The following SLC2A14 variants were observed in gnomAD, a reference collection of about 807,000 sequenced individuals.
SLC2A14 encodes the protein solute carrier family 2, facilitated glucose transporter member 14.
In SLC2A14, 13 loss-of-function variants were observed where a neutral mutation model predicts 43.0. The observed-to-expected ratio is 0.30, with a 90% confidence interval of 0.20 to 0.48. The LOEUF is 0.48. SLC2A14 is among the 20% of genes least tolerant of loss of function. The pLI, the probability that SLC2A14 is intolerant of heterozygous loss-of-function variation, is 0.99. For missense variants in SLC2A14, 428 were observed against 620.4 expected (o/e 0.69, Z 3.29); for synonymous variants, 190 against 233.8 (o/e 0.81, Z 1.71).
chr12:7,890,995 C>A lies in SLC2A14; in HGVS notation c.132+1G>T, dbSNP rs1381199343. 5.2e-6 allele frequency: 8 copies of A among 1,534,304 alleles called. 1 individual carries two copies. Among genetic ancestry groups the A allele is most frequent in the Non-Finnish European group, 7.0e-6 (8 of 1,146,080 alleles). ...AGCATGATCTATCTAGTTCCACTTACCTCCTCCCCGACGCCCCCATTCTGA... is the reference window on the plus strand; with the variant it reads ...AGCATGATCTATCTAGTTCCACTTAACTCCTCCCCGACGCCCCCATTCTGA... On this transcript the variant is annotated splice_donor_variant, in intron 1 of 9. Transcript: ENST00000539924. LOFTEE classifies it high-confidence loss of function.
chr12:7,887,681 T>C (rs2121126639), intron 1 of SLC2A14, among the ~76,000 whole-genome samples: 1 of 152,222 alleles, frequency 6.6e-6, no homozygotes, highest in African/African-American at 2.4e-5. Flanking sequence ...ATTTGGCATG[T>C]ATGTCAATCC....
intron 1 of SLC2A14, among the ~76,000 whole-genome samples, chr12:7,883,590 CTTTTTTTTTTT>C (rs1204450230): frequency 3.2e-5 from 3 of 95,212 alleles, no homozygotes; most frequent in African/African-American, 4.5e-5. Context: ...TTTTTCTTTT[CTTTTTTTTTTT>C]TTTTTTTTTT....
intron 1 of SLC2A14, among the ~76,000 whole-genome samples, chr12:7,882,923 T>C (rs1302367602): frequency 6.6e-6 from 1 of 150,940 alleles, no homozygotes; most frequent in Non-Finnish European, 1.5e-5. Flanking sequence ...TCTTAAATGC[T>C]CTCCTGGCTA....
intron 7 of SLC2A14, among the ~76,000 whole-genome samples, chr12:7,822,963 T>C (rs7964387): frequency 0.019 from 2,922 of 152,332 alleles, 83 homozygotes; most frequent in African/African-American, 0.066. Context: ...TAAGCAGAGA[T>C]TGGGCTGTAT....
At chr12:7,867,883 A>G (rs1345444614) in intron 2 of SLC2A14, among the ~76,000 whole-genome samples, 1 of 151,888 alleles carries the variant, frequency 6.6e-6, no homozygotes, top group African/African-American at 2.4e-5. Flanking sequence ...TAGACATGGA[A>G]TCTACTCCTA....
chr12:7,885,422 G>A (rs1297147121), intron 1 of SLC2A14, among the ~76,000 whole-genome samples: 1 of 152,044 alleles, frequency 6.6e-6, no homozygotes, highest in African/African-American at 2.4e-5. Flanking sequence ...CCGAGATAAT[G>A]CCATGGCACT....
At chr12:7,826,107 A>G (rs74061605) in intron 7 of SLC2A14, among the ~76,000 whole-genome samples, 8,740 of 151,608 alleles carry the variant, frequency 0.058, 818 homozygotes, top group African/African-American at 0.2. Flanking sequence ...TCGGGAGCAC[A>G]TTTTTCTCCA....
At chr12:7,873,283 A>G (rs867560994), upstream of SLC2A14, 2 of 985,592 alleles carry the variant, frequency 2.0e-6, no homozygotes, top group Non-Finnish European at 2.4e-6. Flanking sequence ...GCAGGGAGAT[A>G]GTGCCCGGGC....
chr12:7,881,963 C>T (rs1013226870), intron 1 of SLC2A14, among the ~76,000 whole-genome samples: 3 of 152,052 alleles, frequency 2.0e-5, no homozygotes, highest in South Asian at 2.1e-4. Flanking sequence ...CACCAATCAG[C>T]GCCCTGTCAA....
At position 7,848,386 on chromosome 12, in the gene SLC2A14, T is replaced by C. The variant is rs1486968411; in HGVS notation, c.19-15572A>G. Among the ~76,000 whole-genome samples, 4 of 151,832 alleles carry C rather than the reference T, an allele frequency of 2.6e-5. No homozygotes were observed. In the East Asian group the frequency reaches 5.8e-4, roughly 22 times the overall value. ...ATCTCAGATTGTCTTTTTTTTATTA[T>C]TATTTTTTACAATTCCCTTTCTTGT... is the stretch of plus-strand genomic sequence containing the variant. On this transcript the variant is annotated intron_variant, in intron 2 of 10. Coordinates refer to ENST00000431042, the MANE Select transcript of SLC2A14 (RefSeq NM_001286234.2).
intron 1 of SLC2A14, among the ~76,000 whole-genome samples, chr12:7,887,311 T>C (rs1050737845): frequency 2.0e-5 from 3 of 150,946 alleles, no homozygotes; most frequent in African/African-American, 7.3e-5. Context: ...TAGGCTGTCA[T>C]GAAAAAAAAA....
chr12:7,834,879 A>G lies in SLC2A14; in HGVS notation c.19-2065T>C, dbSNP rs112187200. ...AGTCCTTCACCCTGGCCACTAGAGA[A>G]GAGTTGCTCAATATAACTGTTTGTT... On this transcript the variant is annotated intron_variant, in intron 2 of 10. Coordinates refer to ENST00000431042, the MANE Select transcript of SLC2A14 (RefSeq NM_001286234.2). 3.1e-3 allele frequency among the ~76,000 whole-genome samples: 467 copies of G among 152,266 alleles called. 2 individuals carry two copies. Among genetic ancestry groups the G allele is most frequent in the Non-Finnish European group, 5.0e-3 (337 of 68,018 alleles).
Position 7,814,478 on chromosome 12 carries a change from C to G in SLC2A14, c.1332G>C (p.Leu444Phe). Residue 444 changes from leucine (L) to phenylalanine (F), a missense_variant, in exon 11 of 11, where the codon TTG becomes TTC. Transcript: ENST00000431042. ...CAGGGACTTTGAAGAAGGTAAAGGCCAAGAAGGTAATGAGGAAGCCGGTGA... is the reference window on the plus strand; with the variant it reads ...CAGGGACTTTGAAGAAGGTAAAGGCGAAGAAGGTAATGAGGAAGCCGGTGA... ...IIFTGFLITF[L>F]AFTFFKVPET... The G allele has an allele frequency of 6.2e-7, 1 of 1,613,338 alleles. No individual in the cohort carries two copies. The highest frequency in any genetic ancestry group is 1.1e-5 in the South Asian group (1 of 91,024).
At chr12:7,882,600 A>C (rs900838417) in intron 1 of SLC2A14, among the ~76,000 whole-genome samples, 14 of 152,090 alleles carry the variant, frequency 9.2e-5, no homozygotes, top group African/African-American at 3.1e-4. Context: ...TGGGAGGCTG[A>C]GGCAGGCACG....
intron 4 of SLC2A14, among the ~76,000 whole-genome samples, chr12:7,831,045 A>G (rs1057337076): frequency 1.3e-5 from 2 of 149,600 alleles, no homozygotes; most frequent in African/African-American, 4.9e-5. Flanking sequence ...AATTACTTGA[A>G]CCCGGGAGGC....
chr12:7,856,104 A>G (rs975166425), intron 2 of SLC2A14: 2 of 152,170 alleles, frequency 1.3e-5, no homozygotes, highest in Non-Finnish European at 2.9e-5. Context: ...TAACAAAGTC[A>G]TTTTCCAAAA....
chr12:7,839,768 T>C, intron 2 of SLC2A14: 1 of 451,332 alleles, frequency 2.2e-6, no homozygotes, highest in Non-Finnish European at 4.4e-6. Context: ...GAGGGAGTAA[T>C]ACCCATACAG....
At chr12:7,885,574 C>T (rs1945674387) in intron 1 of SLC2A14, among the ~76,000 whole-genome samples, 1 of 149,662 alleles carries the variant, frequency 6.7e-6, no homozygotes, top group East Asian at 1.9e-4. Context: ...TTTCATGCTG[C>T]CAAGCACCGT....
intron 2 of SLC2A14, among the ~76,000 whole-genome samples, chr12:7,850,229 G>C (rs1489876123): frequency 1.3e-5 from 2 of 152,022 alleles, no homozygotes; most frequent in African/African-American, 4.8e-5. Context: ...TTGTGGGAAG[G>C]CTGGGGAATG....
Sources: allele counts gnomAD v4.1 joint callset (sites outside exome capture counted in the v4.1 genomes callset), GRCh38; gene constraint gnomAD v4.1.1; transcripts MANE v1.5; gene names NCBI Gene and HGNC (gene_info 2026-07-23, HGNC 2026-07-21).